Variants in FNDC3B observed in about 807,000 individuals in gnomAD.
The protein encoded by FNDC3B is fibronectin type III domain containing 3B, also known as fibronectin type III domain-containing protein 3B.
FNDC3B carries 12 observed loss-of-function variants against 151.5 expected under a neutral mutation model. That is an observed-to-expected ratio of 0.08 (90% CI 0.05 to 0.13). FNDC3B has a LOEUF of 0.13. Among genes scored for constraint, FNDC3B ranks in the 10% least tolerant of loss-of-function variants. The probability of loss-of-function intolerance (pLI) is 1.00; values close to 1 mark genes in which losing one functional copy is unlikely to be tolerated. For synonymous variants in FNDC3B, 528 were observed against 549.0 expected (o/e 0.96, Z 0.54); for missense variants, 1,214 against 1,505.3 (o/e 0.81, Z 3.20).
At chr3:172,043,276 C>T (rs1576811629) in intron 1 of FNDC3B, among the ~76,000 whole-genome samples, 1 of 152,144 alleles carries the variant, frequency 6.6e-6, no homozygotes, top group Admixed American at 6.5e-5. Flanking sequence ...CTAGTGGTTA[C>T]CATATTGGAG....
intron 3 of FNDC3B, among the ~76,000 whole-genome samples, chr3:172,178,066 CTG>C (rs1723700877): frequency 6.6e-6 from 1 of 152,118 alleles, no homozygotes; most frequent in Non-Finnish European, 1.5e-5. Context: ...TCCATGGTGT[CTG>C]TGTACCACAT....
At chr3:172,391,000 T>A (rs997692274) in intron 25 of FNDC3B, among the ~76,000 whole-genome samples, 2 of 152,134 alleles carry the variant, frequency 1.3e-5, no homozygotes, top group African/African-American at 2.4e-5. Context: ...GGTGTCACAC[T>A]GTAGTCATTA....
At chr3:172,138,924 A>G (rs1379540459) in intron 3 of FNDC3B, among the ~76,000 whole-genome samples, 5 of 152,216 alleles carry the variant, frequency 3.3e-5, no homozygotes, top group Non-Finnish European at 7.3e-5. Flanking sequence ...CTTGTTCTCC[A>G]TAAGACTTCT....
intron 3 of FNDC3B, among the ~76,000 whole-genome samples, chr3:172,213,246 T>C (rs1489222694): frequency 6.6e-6 from 1 of 152,214 alleles, no homozygotes; most frequent in Admixed American, 6.5e-5. Flanking sequence ...TCAAATACTT[T>C]GACAGTGTTT....
At chr3:172,220,368 GTTGT>G (rs1726219028) in intron 3 of FNDC3B, among the ~76,000 whole-genome samples, 1 of 152,130 alleles carries the variant, frequency 6.6e-6, no homozygotes, top group Non-Finnish European at 1.5e-5. Flanking sequence ...TTTAAGTAGG[GTTGT>G]TTGTCTTTTT....
chr3:172,230,425 A>G (rs1726829957), intron 4 of FNDC3B, among the ~76,000 whole-genome samples: 2 of 151,888 alleles, frequency 1.3e-5, no homozygotes, highest in South Asian at 4.2e-4. Context: ...AATCACTTGA[A>G]CCCAGGAGGC....
intron 2 of FNDC3B, among the ~76,000 whole-genome samples, chr3:172,117,041 A>G (rs1336762358): frequency 6.6e-6 from 1 of 152,222 alleles, no homozygotes; most frequent in Non-Finnish European, 1.5e-5. Context: ...GCTGCTATGC[A>G]CAGATTCTTG....
chr3:172,187,066 T>TTCC (rs1576777415), intron 3 of FNDC3B: 1 of 276,510 alleles, frequency 3.6e-6, no homozygotes, highest in East Asian at 7.2e-5. Flanking sequence ...GGAAGCTTTA[T>TTCC]TCCTGCTTAT....
At chr3:172,159,612 T>C (rs1722669025) in intron 3 of FNDC3B, among the ~76,000 whole-genome samples, 1 of 152,166 alleles carries the variant, frequency 6.6e-6, no homozygotes, top group Admixed American at 6.5e-5. Context: ...GAAAAGTGAA[T>C]ATGAGTTAAG....
chr3:172,278,595 G>A (rs1729548785), intron 6 of FNDC3B, among the ~76,000 whole-genome samples: 1 of 152,096 alleles, frequency 6.6e-6, no homozygotes, highest in African/African-American at 2.4e-5. Context: ...TGTTTTTGTG[G>A]GTTTGCATCC....
intron 25 of FNDC3B, among the ~76,000 whole-genome samples, chr3:172,385,987 C>A (rs1293805320): frequency 1.3e-5 from 2 of 152,140 alleles, no homozygotes; most frequent in African/African-American, 2.4e-5. Context: ...TCAGGTGTCA[C>A]AATGTGGGGC....
intron 1 of FNDC3B, among the ~76,000 whole-genome samples, chr3:172,090,425 TAAACAAACAAAC>T (rs60240731): frequency 8.7e-5 from 13 of 150,216 alleles, no homozygotes; most frequent in East Asian, 2.0e-4. Context: ...TGACCAAAAA[TAAACAAACAAAC>T]AAACAAACAA....
intron 6 of FNDC3B, among the ~76,000 whole-genome samples, chr3:172,265,867 C>T (rs61492284): frequency 0.031 from 4,654 of 152,254 alleles, 241 homozygotes; most frequent in African/African-American, 0.11. Context: ...TGTCTGTTTT[C>T]CTGCTGCCTT....
intron 3 of FNDC3B, among the ~76,000 whole-genome samples, chr3:172,199,001 A>AT (rs1284540371): frequency 7.3e-5 from 11 of 150,140 alleles, no homozygotes; most frequent in Admixed American, 1.3e-4. Context: ...TGATATTTAA[A>AT]TTTTTTTTGT....
At chr3:172,150,266 A>C (rs1409067168) in intron 3 of FNDC3B, among the ~76,000 whole-genome samples, 1 of 152,188 alleles carries the variant, frequency 6.6e-6, no homozygotes, top group South Asian at 2.1e-4. Flanking sequence ...TAGTATTGTC[A>C]TAAGTATTTA....
At chr3:172,275,822 T>TG (rs1321622000) in intron 6 of FNDC3B, among the ~76,000 whole-genome samples, 2 of 151,016 alleles carry the variant, frequency 1.3e-5, no homozygotes, top group East Asian at 3.9e-4. Flanking sequence ...TTTGATTATC[T>TG]GGTTTTTTTT....
chr3:172,103,372 G>C (rs768491647), intron 1 of FNDC3B, among the ~76,000 whole-genome samples: 1 of 151,854 alleles, frequency 6.6e-6, no homozygotes, highest in Non-Finnish European at 1.5e-5. Flanking sequence ...AGGGGTTTAC[G>C]GAAGCAGCCT....
At chr3:172,083,783 TA>T (rs546761135) in intron 1 of FNDC3B, among the ~76,000 whole-genome samples, 71 of 152,272 alleles carry the variant, frequency 4.7e-4, no homozygotes, top group African/African-American at 1.6e-3. Flanking sequence ...CAGATTATAA[TA>T]AAAAAATACT....
At chr3:172,263,700 T>A (rs768075843) in intron 6 of FNDC3B, among the ~76,000 whole-genome samples, 12 of 151,300 alleles carry the variant, frequency 7.9e-5, no homozygotes, top group East Asian at 5.9e-4. Context: ...GTTTTCAATT[T>A]GAAAACTATA....
Sources: gnomAD v4.1 joint callset for allele counts (sites outside exome capture counted in the v4.1 genomes callset) on GRCh38, gnomAD v4.1.1 for gene constraint, MANE v1.5 for transcripts, NCBI Gene and HGNC (gene_info 2026-07-23, HGNC 2026-07-21) for gene names.